Variants in SYK observed in about 807,000 individuals in gnomAD.
SYK encodes the protein tyrosine-protein kinase SYK.
In SYK, 16 loss-of-function variants were observed where a neutral mutation model predicts 77.8. That is an observed-to-expected ratio of 0.21 (90% CI 0.14 to 0.31). The LOEUF (loss-of-function observed/expected upper bound fraction) is 0.31, where lower values mean the gene tolerates loss of function less well. Ranked by LOEUF, SYK falls within the 10% of genes least tolerant of loss-of-function variation. SYK has a pLI of 1.00. For missense variants in SYK, 529 were observed against 814.4 expected (o/e 0.65, Z 4.26); for synonymous variants, 312 against 308.7 (o/e 1.01, Z -0.11).
chr9:90,837,007 C>T (rs1446610174), intron 1 of SYK, among the ~76,000 whole-genome samples: 2 of 151,930 alleles, frequency 1.3e-5, no homozygotes, highest in African/African-American at 2.4e-5. Context: ...CTCTAGCTTA[C>T]CTCACTATAA....
intron 1 of SYK, among the ~76,000 whole-genome samples, chr9:90,829,655 T>A (rs1340916997): frequency 6.6e-6 from 1 of 152,124 alleles, no homozygotes; most frequent in Non-Finnish European, 1.5e-5. Context: ...AGGCAGGAGG[T>A]TCATTTTTCT....
intron 11 of SYK, among the ~76,000 whole-genome samples, chr9:90,886,912 T>C (rs1257189027): frequency 6.6e-6 from 1 of 151,998 alleles, no homozygotes; most frequent in African/African-American, 2.4e-5. Context: ...ATAAAGAAAA[T>C]GTGGTGTGTA....
chr9:90,827,913 G>A (rs57366091), intron 1 of SYK, among the ~76,000 whole-genome samples: 102 of 152,278 alleles, frequency 6.7e-4, no homozygotes, highest in African/African-American at 2.3e-3. Flanking sequence ...ATAAGCTCCT[G>A]TAATATCTTG....
At chr9:90,836,816 GA>G (rs1433657990) in intron 1 of SYK, among the ~76,000 whole-genome samples, 9 of 152,200 alleles carry the variant, frequency 5.9e-5, no homozygotes, top group African/African-American at 2.2e-4. Context: ...GACATTATAA[GA>G]AAAAGCTGAA....
At chr9:90,827,451 C>T (rs1417761697) in intron 1 of SYK, 1 of 151,820 alleles carries the variant, frequency 6.6e-6, no homozygotes, top group Non-Finnish European at 1.5e-5. Context: ...CTGTCTTGTG[C>T]TTTCTCTCTG....
intron 11 of SYK, among the ~76,000 whole-genome samples, chr9:90,886,315 T>A (rs1473571797): frequency 6.6e-6 from 1 of 152,176 alleles, no homozygotes; most frequent in Non-Finnish European, 1.5e-5. Context: ...TTTAAAAAAA[T>A]GCTTTGCAGA....
intron 1 of SYK, among the ~76,000 whole-genome samples, chr9:90,829,288 CAA>C (rs201754721): frequency 0.29 from 40,435 of 138,798 alleles, 5,536 homozygotes; most frequent in East Asian, 0.46. Context: ...GACTCCGTCT[CAA>C]AAAAAAAAAA....
In SYK at chr9:90,896,015, T is replaced by C. The variant is rs202179400; in HGVS notation, c.*415T>C. The C allele has an allele frequency of 2.5e-5, 6 of 240,786 alleles. No homozygotes were observed. Among genetic ancestry groups the C allele is most frequent in the Non-Finnish European group, 4.9e-5 (6 of 122,576 alleles). The allele number at this position is 240,786 out of a possible 1,614,324, so 14.9% of individuals were successfully genotyped here. A position where few individuals can be genotyped will look rare whatever the true frequency, so the allele number is the denominator to read the frequency against. Reference sequence around the variant, plus strand: ...GCGGCCTTTTCCAAATGCCCAAGGATGCCTTAGCATGTGACTCCTGAAGGG... The same window carrying C: ...GCGGCCTTTTCCAAATGCCCAAGGACGCCTTAGCATGTGACTCCTGAAGGG... On this transcript the variant is annotated 3_prime_UTR_variant, in exon 14 of 14. Transcript: ENST00000375754.
At chr9:90,865,183 GGCA>G in intron 6 of SYK, 86 bp downstream of exon 6, 1 of 1,354,714 alleles carries the variant, frequency 7.4e-7, no homozygotes, top group South Asian at 1.2e-5. Context: ...AGGAGTAGTA[GGCA>G]TTGATATTTT....
At chr9:90,808,683 C>T (rs867795494) in intron 1 of SYK, among the ~76,000 whole-genome samples, 4 of 152,062 alleles carry the variant, frequency 2.6e-5, no homozygotes, top group African/African-American at 7.2e-5. Context: ...TCTTTTCCTG[C>T]GAGGCGTCTT....
chr9:90,821,815 A>C (rs570334605), intron 1 of SYK, among the ~76,000 whole-genome samples: 1 of 152,144 alleles, frequency 6.6e-6, no homozygotes, highest in African/African-American at 2.4e-5. Flanking sequence ...GAGTACCCCC[A>C]GCTGAAGTGC....
chr9:90,888,761 T>G, intron 13 of SYK, 134 bp downstream of exon 13: 1 of 680,118 alleles, frequency 1.5e-6, no homozygotes, highest in Non-Finnish European at 2.3e-6. Flanking sequence ...CAAACAACGG[T>G]GGGGGCTGGT....
rs200817268 is a variant in SYK, at chr9:90,895,865, G to A, written c.*265G>A. The A allele has an allele frequency of 4.3e-6, 2 of 461,310 alleles. No homozygotes were observed. Among genetic ancestry groups the A allele is most frequent in the Admixed American group, 3.5e-5 (1 of 28,802 alleles). 28.6% of individuals were successfully genotyped at this position (461,310 alleles called of 1,614,324 possible). ...TTCTTGTCTGTGTGATTTTCATACA[G>A]GTTATTTTTACGATCTGTTTCCAAA... On this transcript the variant is annotated 3_prime_UTR_variant, in exon 14 of 14. Transcript: ENST00000375754. This position sits in a 1 kb window ranked among gnomAD's most constrained non-coding sequence, Gnocchi z 4.4.
intron 6 of SYK, 119 bp downstream of exon 6, chr9:90,865,216 C>A: frequency 1.0e-6 from 1 of 994,140 alleles, no homozygotes; most frequent in Non-Finnish European, 1.6e-6. Context: ...TCAAAACATA[C>A]TCCGTGATGA....
intron 1 of SYK, among the ~76,000 whole-genome samples, chr9:90,836,047 G>A (rs1274607288): frequency 6.6e-6 from 1 of 152,124 alleles, no homozygotes; most frequent in African/African-American, 2.4e-5. Flanking sequence ...CCAGCACTTT[G>A]GGAGGCTGAG....
intron 3 of SYK, among the ~76,000 whole-genome samples, chr9:90,849,875 C>T (rs1375558924): frequency 2.6e-5 from 4 of 152,256 alleles, no homozygotes; most frequent in Admixed American, 6.5e-5. Context: ...TATCATAAAC[C>T]GAAGGCCTGC....
At chr9:90,834,812 A>G (rs1826011660) in intron 1 of SYK, among the ~76,000 whole-genome samples, 1 of 152,178 alleles carries the variant, frequency 6.6e-6, no homozygotes, top group Non-Finnish European at 1.5e-5. Context: ...GTGGCCCAAG[A>G]CAATCCTTCT....
At chr9:90,835,771 T>A (rs552531434) in intron 1 of SYK, among the ~76,000 whole-genome samples, 1 of 152,312 alleles carries the variant, frequency 6.6e-6, no homozygotes, top group Non-Finnish European at 1.5e-5. Context: ...TTGCCAGGGT[T>A]CTCTGATTCT....
intron 1 of SYK, among the ~76,000 whole-genome samples, chr9:90,820,774 C>A (rs145823024): frequency 6.2e-4 from 95 of 152,286 alleles, no homozygotes; most frequent in African/African-American, 2.1e-3. Context: ...ATGCAAATTT[C>A]TGCAGCTGAG....
Sources: gnomAD v4.1 joint callset for allele counts (sites outside exome capture counted in the v4.1 genomes callset) on GRCh38, gnomAD v4.1.1 for gene constraint, Gnocchi (gnomAD v3.1) non-coding constraint, MANE v1.5 for transcripts, NCBI Gene and HGNC (gene_info 2026-07-23, HGNC 2026-07-21) for gene names.